Variants in LUC7L observed in about 807,000 individuals in gnomAD.
The protein encoded by LUC7L is LUC7 like, also known as putative RNA-binding protein Luc7-like 1.
In LUC7L, 29 loss-of-function variants were observed where a neutral mutation model predicts 51.1. That is an observed-to-expected ratio of 0.57 (90% confidence interval 0.42 to 0.77). The LOEUF (loss-of-function observed/expected upper bound fraction) is 0.77. Among genes scored for constraint, LUC7L ranks in the 30% least tolerant of loss-of-function variants. The pLI is 0.00. For missense variants in LUC7L, 403 were observed against 511.9 expected, an observed-to-expected ratio of 0.79 and a Z score of 2.05; for synonymous variants, 181 against 180.7, an observed-to-expected ratio of 1.00 and a Z score of -0.01.
At chr16:218,169 G>C (rs2049861995) in intron 3 of LUC7L, among the ~76,000 whole-genome samples, 1 of 151,814 alleles carries the variant, frequency 6.6e-6, no homozygotes, top group Admixed American at 6.6e-5. Context: ...CTCCAGCCGA[G>C]GCAACAACAG....
intron 6 of LUC7L, 37 bp from the exon 7 acceptor site, chr16:193,052 T>G (rs762880020): frequency 6.5e-7 from 1 of 1,528,800 alleles, no homozygotes; most frequent in Non-Finnish European, 9.0e-7. Context: ...AAGAGCAAGT[T>G]ACACAAACCA....
intron 5 of LUC7L, among the ~76,000 whole-genome samples, chr16:202,816 TGCCC>T (rs2049371441): frequency 1.3e-5 from 2 of 152,176 alleles, no homozygotes; most frequent in African/African-American, 4.8e-5. Context: ...AACAACTCCA[TGCCC>T]ACAAAAGCGA....
chr16:211,737 T>C (rs1295273526), intron 3 of LUC7L, among the ~76,000 whole-genome samples: 2 of 152,206 alleles, frequency 1.3e-5, no homozygotes, highest in East Asian at 3.9e-4. Flanking sequence ...TAAAAGCCCC[T>C]GAGCACAGAC....
At chr16:222,500 T>C (rs1392514302) in intron 2 of LUC7L, among the ~76,000 whole-genome samples, 1 of 151,920 alleles carries the variant, frequency 6.6e-6, no homozygotes, top group African/African-American at 2.4e-5. Context: ...TAGCTGGGTG[T>C]GGTGGTATGT....
chr16:214,543 C>G (rs1390148189), intron 3 of LUC7L, among the ~76,000 whole-genome samples: 2 of 152,146 alleles, frequency 1.3e-5, no homozygotes, highest in South Asian at 4.1e-4. Flanking sequence ...ATTCATTTAT[C>G]TGAGACAGAC....
chr16:197,818 C>T (rs1287007090), intron 6 of LUC7L, among the ~76,000 whole-genome samples: 1 of 152,200 alleles, frequency 6.6e-6, no homozygotes, highest in African/African-American at 2.4e-5. Flanking sequence ...TGTCCCTCCA[C>T]TACATTTCAG....
At position 208,064 on chromosome 16, in the gene LUC7L, C is replaced by T. The variant is rs2049534319; in HGVS notation, c.366+14G>A. The T allele has an allele frequency of 6.3e-7, 1 of 1,580,556 alleles. No homozygotes were observed. The highest frequency in any genetic ancestry group is 8.6e-7 in the Non-Finnish European group (1 of 1,162,172). Reference sequence around the variant, plus strand: ...TTTAAGAACACACCAGACACCGAAGCCACCCAAGCATACCTTTGCAGAAAC... The same window carrying T: ...TTTAAGAACACACCAGACACCGAAGTCACCCAAGCATACCTTTGCAGAAAC... On this transcript the variant is annotated intron_variant, in intron 4 of 9. Coordinates refer to ENST00000293872, the MANE Select transcript of LUC7L (RefSeq NM_201412.3).
chr16:197,775 G>T (rs2049194144), intron 6 of LUC7L, among the ~76,000 whole-genome samples: 1 of 152,080 alleles, frequency 6.6e-6, no homozygotes, highest in South Asian at 2.1e-4. Context: ...CTCAGCCGTG[G>T]TCACTGCAGC....
At chr16:193,573 T>A (rs1402165909) in intron 6 of LUC7L, among the ~76,000 whole-genome samples, 1 of 151,880 alleles carries the variant, frequency 6.6e-6, no homozygotes, top group African/African-American at 2.4e-5. Context: ...CTTTGCTCAC[T>A]GAAGCCTCTG....
chr16:212,858 G>C (rs536532400), intron 3 of LUC7L, among the ~76,000 whole-genome samples: 1 of 151,382 alleles, frequency 6.6e-6, no homozygotes, highest in East Asian at 1.9e-4. Context: ...GCTCACTTTA[G>C]CGTTGACCTC....
At chr16:198,330 G>GA (rs2049219612) in intron 6 of LUC7L, among the ~76,000 whole-genome samples, 1 of 136,506 alleles carries the variant, frequency 7.3e-6, no homozygotes, top group Non-Finnish European at 1.6e-5. Context: ...TTAGAGTCTT[G>GA]AAGAAGGAAC....
chr16:208,131 T>G lies in LUC7L; in HGVS notation c.313A>C (p.Lys105Gln). 1 of 1,613,672 alleles carries G rather than the reference T, an allele frequency of 6.2e-7. No homozygotes were observed. The highest frequency in any genetic ancestry group is 8.5e-7 in the Non-Finnish European group (1 of 1,179,852). Reference protein sequence around the residue: ...AECDRRTELAKKRLAETQEEI... With the variant: ...AECDRRTELAQKRLAETQEEI... ...TCCTGTGTTTCTGCCAGCCGCTTCT[T>G]GGCGAGCTCAGTTCTCCGATCACAT... The change falls in exon 4 of 10, where the codon AAG (lysine) becomes CAG (glutamine). Residue 105 changes from lysine (K) to glutamine (Q), a missense_variant. Physicochemically the swap from Lys to Gln is moderately conservative, Grantham distance 53 (BLOSUM62 1). Coordinates refer to ENST00000293872, the MANE Select transcript of LUC7L (RefSeq NM_201412.3).
At chr16:196,610 C>A (rs2049156061) in intron 6 of LUC7L, among the ~76,000 whole-genome samples, 1 of 151,982 alleles carries the variant, frequency 6.6e-6, no homozygotes, top group Non-Finnish European at 1.5e-5. Flanking sequence ...TCACTGCAAC[C>A]TCTGCCTCCC....
chr16:223,378 T>A (rs538402967), intron 2 of LUC7L, among the ~76,000 whole-genome samples: 2 of 151,728 alleles, frequency 1.3e-5, no homozygotes, highest in African/African-American at 2.4e-5. Flanking sequence ...AAATAATAGA[T>A]AAAAAAAGAA....
At position 208,119 on chromosome 16, in the gene LUC7L, C is replaced by T. The variant is rs770916859; in HGVS notation, c.325G>A (p.Ala109Thr). The T allele has an allele frequency of 2.5e-6, 4 of 1,613,422 alleles. No homozygotes were observed. In the Admixed American group the frequency reaches 6.7e-5, roughly 27 times the overall value. Residue 109 changes from alanine to threonine, a missense_variant, in exon 4 of 10, where the codon GCA becomes ACA. By Grantham distance (58) the Ala-to-Thr change is moderately conservative. This residue lies in a region of LUC7L where 182 missense variants were observed against 248.4 expected (regional missense o/e 0.73). Coordinates refer to ENST00000293872, the MANE Select transcript of LUC7L (RefSeq NM_201412.3). ...GCACTGATTTCCTCCTGTGTTTCTG[C>T]CAGCCGCTTCTTGGCGAGCTCAGTT... is the stretch of plus-strand genomic sequence containing the variant. ...RRTELAKKRL[A>T]ETQEEISAEV...
intron 2 of LUC7L, among the ~76,000 whole-genome samples, chr16:221,316 A>T (rs975796825): frequency 3.3e-5 from 5 of 150,168 alleles, no homozygotes; most frequent in Admixed American, 1.4e-4. Flanking sequence ...AAGAGCTGGC[A>T]TTACAGGTGT....
chr16:209,601 TA>T (rs2049581502), intron 3 of LUC7L: 1 of 152,050 alleles, frequency 6.6e-6, no homozygotes, highest in South Asian at 2.1e-4. Flanking sequence ...AGCATCATGA[TA>T]AACATAAATA....
At chr16:221,101 C>A (rs778147306) in intron 2 of LUC7L, among the ~76,000 whole-genome samples, 7 of 151,890 alleles carry the variant, frequency 4.6e-5, no homozygotes, top group Non-Finnish European at 1.0e-4. Context: ...CTTACTGTAA[C>A]CTCTGCCTCC....
intron 7 of LUC7L, among the ~76,000 whole-genome samples, chr16:192,207 G>A (rs943724865): frequency 3.9e-5 from 6 of 152,056 alleles, no homozygotes; most frequent in East Asian, 3.9e-4. Context: ...AACTTTCCCC[G>A]ACTCCTTGCA....
Sources: gnomAD v4.1 joint callset for allele counts (sites outside exome capture counted in the v4.1 genomes callset) on GRCh38, gnomAD v4.1.1 for gene constraint, gnomAD v4.1.1 regional missense constraint, MANE v1.5 for transcripts, NCBI Gene and HGNC (gene_info 2026-07-23, HGNC 2026-07-21) for gene names.